Variants in SNAPC1 observed in about 807,000 individuals in gnomAD.
The protein encoded by SNAPC1 is snRNA-activating protein complex subunit 1.
Under a neutral mutation model 50.1 loss-of-function variants are expected in SNAPC1, and 42 were observed. That is an observed-to-expected ratio of 0.84 (90% CI 0.65 to 1.08). SNAPC1 has a LOEUF of 1.08. Ranked by LOEUF, SNAPC1 falls within the 50% of genes least tolerant of loss-of-function variation. SNAPC1 has a pLI of 0.00. For synonymous variants in SNAPC1, 164 were observed against 144.2 expected, an observed-to-expected ratio of 1.14 and a Z score of -0.98; for missense variants, 477 against 427.3, an observed-to-expected ratio of 1.12 and a Z score of -1.02.
At chr14:61,777,975 A>G (rs181750376) in intron 5 of SNAPC1, 97 bp from the exon 6 acceptor site, 67 of 581,044 alleles carry the variant, frequency 1.2e-4, no homozygotes, top group Non-Finnish European at 1.8e-4. Flanking sequence ...TTCATTTATT[A>G]AAAATGATTT....
rs2045082472 is a variant in SNAPC1, at chr14:61,782,404, T to TTA, written c.976+8_976+9insAT. On this transcript the variant is annotated splice_region_variant and intron_variant, in intron 8 of 9. Transcript: ENST00000216294. ...ATGTCTCTCAGAAACAAAGGTAACTTTTTAAAGTCTTACTAAGATTCAACA... is the reference window on the plus strand; with the variant it reads ...ATGTCTCTCAGAAACAAAGGTAACTTTATTTAAAGTCTTACTAAGATTCAACA... 6.2e-7 allele frequency: 1 copy of TTA among 1,600,974 alleles called. No homozygotes were observed. The highest frequency in any genetic ancestry group is 1.8e-5 in the Admixed American group (1 of 57,014).
At chr14:61,764,708 A>C (rs56122032) in intron 1 of SNAPC1, among the ~76,000 whole-genome samples, 7,919 of 152,290 alleles carry the variant, frequency 0.052, 274 homozygotes, top group Non-Finnish European at 0.073. Flanking sequence ...AAAAGCTAAA[A>C]ATGTAACATT....
chr14:61,781,310 G>A (rs1166452022), intron 7 of SNAPC1, among the ~76,000 whole-genome samples: 2 of 151,914 alleles, frequency 1.3e-5, no homozygotes, highest in African/African-American at 2.4e-5. Flanking sequence ...TTAGCCGGGC[G>A]TGGTGGTGGG....
intron 7 of SNAPC1, among the ~76,000 whole-genome samples, chr14:61,781,679 C>G (rs556441572): frequency 6.6e-6 from 1 of 152,190 alleles, no homozygotes; most frequent in Non-Finnish European, 1.5e-5. Flanking sequence ...CCTGACAGCT[C>G]CAGCCTTGCA....
chr14:61,785,713 G>C (rs116381659), intron 8 of SNAPC1, among the ~76,000 whole-genome samples: 3,912 of 152,242 alleles, frequency 0.026, 116 homozygotes, highest in African/African-American at 0.061. Flanking sequence ...GTTAGAAGTA[G>C]GTAAGACAAA....
rs2045163266 is a variant in SNAPC1 at position 61,792,933 on chromosome 14, G to A, written c.1072+31G>A. The A allele has an allele frequency of 3.6e-6, 4 of 1,112,946 alleles. No individual in the cohort carries two copies. The East Asian group carries it at 9.6e-5, about 27-fold the overall frequency. The allele number at this position is 1,112,946 out of a possible 1,614,324, so 68.9% of individuals were successfully genotyped here. A position where few individuals can be genotyped will look rare whatever the true frequency, so the allele number is the denominator to read the frequency against. On this transcript the variant is annotated intron_variant, in intron 9 of 9. Transcript: ENST00000216294. ...GATAAAATTTGGTCAAACTAGTCAAGTAAACTAACTTATACTCGTAGAGCA... is the reference window on the plus strand; with the variant it reads ...GATAAAATTTGGTCAAACTAGTCAAATAAACTAACTTATACTCGTAGAGCA...
intron 5 of SNAPC1, 44 bp downstream of exon 5, chr14:61,776,297 G>T: frequency 6.5e-7 from 1 of 1,536,280 alleles, no homozygotes. Context: ...TATTTTACAC[G>T]AATGTTTATC....
intron 9 of SNAPC1, among the ~76,000 whole-genome samples, chr14:61,794,117 G>A (rs889247284): frequency 1.3e-5 from 2 of 152,164 alleles, no homozygotes; most frequent in African/African-American, 4.8e-5. Context: ...CCAGAATGAT[G>A]TGTGGTACTG....
chr14:61,767,226 G>T lies in SNAPC1; in HGVS notation c.303G>T (p.Leu101=), dbSNP rs1170302934. Residue 101 remains leucine (L), a synonymous_variant, in exon 3 of 10, where the codon CTG becomes CTT. Transcript: ENST00000216294. The part of the protein sequence containing the change: ...CQPKQKIRVA[L]KDWDEVLKFQ... The stretch of plus-strand genomic sequence containing the variant: ...CCTGGTTGCAGATCAGAGTTGCCCT[G>T]AAGGATTGGGATGAAGTTTTAAAAT... 1 of 1,493,198 alleles carries T rather than the reference G, an allele frequency of 6.7e-7. No individual in the cohort carries two copies. Among genetic ancestry groups the T allele is most frequent in the Non-Finnish European group, 8.9e-7 (1 of 1,120,092 alleles). The allele number at this position is 1,493,198 out of a possible 1,614,324, so 92.5% of individuals were successfully genotyped here.
chr14:61,781,780 A>G (rs572167840), intron 7 of SNAPC1, among the ~76,000 whole-genome samples: 7 of 152,322 alleles, frequency 4.6e-5, no homozygotes, highest in African/African-American at 1.4e-4. Context: ...GCCATGATAC[A>G]TACCACATAC....
intron 4 of SNAPC1, among the ~76,000 whole-genome samples, chr14:61,772,809 G>T (rs1180889980): frequency 2.0e-5 from 3 of 152,148 alleles, no homozygotes; most frequent in African/African-American, 4.8e-5. Flanking sequence ...GATGAACAAA[G>T]GTCTACTCTT....
At chr14:61,774,156 T>TTTC (rs1223790437) in intron 4 of SNAPC1, among the ~76,000 whole-genome samples, 2 of 148,506 alleles carry the variant, frequency 1.3e-5, no homozygotes, top group African/African-American at 2.5e-5. Context: ...CTTATTTAAT[T>TTTC]TTCTTCTTCT....
chr14:61,767,159 T>C, intron 2 of SNAPC1, 53 bp from the exon 3 acceptor site: 4 of 1,290,146 alleles, frequency 3.1e-6, no homozygotes, highest in Non-Finnish European at 4.1e-6. Flanking sequence ...TTATAATATG[T>C]TTGTGAAAAA....
At chr14:61,773,957 C>T (rs949055935) in intron 4 of SNAPC1, among the ~76,000 whole-genome samples, 4 of 152,098 alleles carry the variant, frequency 2.6e-5, no homozygotes, top group African/African-American at 7.2e-5. Context: ...GATCCGCCTA[C>T]CTCGGCCTTC....
intron 9 of SNAPC1, among the ~76,000 whole-genome samples, chr14:61,793,682 A>C (rs1594654343): frequency 8.8e-6 from 1 of 113,278 alleles, no homozygotes; most frequent in South Asian, 2.7e-4. Flanking sequence ...TTTGAGACAG[A>C]GTCTTGCTCT....
intron 8 of SNAPC1, 34 bp downstream of exon 8, chr14:61,782,431 AG>A (rs1363679844): frequency 1.9e-6 from 3 of 1,548,588 alleles, no homozygotes; most frequent in Non-Finnish European, 2.6e-6. Context: ...GATTCAACAA[AG>A]GAGAATGGGT....
At chr14:61,762,897 C>G (rs1335737295) in intron 1 of SNAPC1, among the ~76,000 whole-genome samples, 3 of 150,104 alleles carry the variant, frequency 2.0e-5, no homozygotes, top group Non-Finnish European at 3.0e-5. Flanking sequence ...CAGTCTTGTT[C>G]TAGGACCTGA....
chr14:61,793,331 C>T (rs551537906), intron 9 of SNAPC1, among the ~76,000 whole-genome samples: 9 of 152,018 alleles, frequency 5.9e-5, no homozygotes, highest in East Asian at 1.9e-4. Flanking sequence ...TCGACCTCCC[C>T]GGCTCAGGCT....
chr14:61,786,389 CA>C lies in SNAPC1; in HGVS notation c.976+3995del, dbSNP rs112223418. 8.6e-3 allele frequency among the ~76,000 whole-genome samples: 1,305 copies of C among 152,230 alleles called. 7 individuals are homozygous for C. Among genetic ancestry groups the C allele is most frequent in the Middle Eastern group, 0.031 (9 of 294 alleles). On this transcript the variant is annotated intron_variant, in intron 8 of 9. Transcript: ENST00000216294. Reference sequence around the variant, plus strand: ...GCCACAGACTGGGAGAAAATTTTTGCAAACTACTACGCTGATAAAGGTCTTG... The same window carrying C: ...GCCACAGACTGGGAGAAAATTTTTGCAACTACTACGCTGATAAAGGTCTTG...
Sources: gnomAD v4.1 joint callset for allele counts (sites outside exome capture counted in the v4.1 genomes callset) on GRCh38, gnomAD v4.1.1 for gene constraint, MANE v1.5 for transcripts, NCBI Gene and HGNC (gene_info 2026-07-23, HGNC 2026-07-21) for gene names.